KDM6A: variants seen among roughly 807,000 people sequenced by gnomAD.
The protein encoded by KDM6A is lysine demethylase 6A.
In KDM6A, 11 loss-of-function variants were observed where a neutral mutation model predicts 117.6. The ratio of observed to expected loss-of-function variants is 0.09; its 90% CI spans 0.06 to 0.15. The LOEUF (loss-of-function observed/expected upper bound fraction) is 0.15. Among genes scored for constraint, KDM6A ranks in the 10% least tolerant of loss-of-function variants. KDM6A has a pLI of 1.00. For synonymous variants in KDM6A, 384 were observed against 396.1 expected, an observed-to-expected ratio of 0.97 and a Z score of 0.36; for missense variants, 799 against 1,077.3, an observed-to-expected ratio of 0.74 and a Z score of 3.62.
chrX:45,090,352 A>G (rs1221238099), intron 26 of KDM6A, among the ~76,000 whole-genome samples: 5 of 112,285 alleles, frequency 4.5e-5, no homozygotes, highest in Non-Finnish European at 5.6e-5. Flanking sequence ...TGGAGTTTAG[A>G]GCCAGAAAGA....
At position 45,060,679 on chromosome X, in the gene KDM6A, C is replaced by T; in HGVS notation, c.1400C>T (p.Ser467Phe). ...AGTCAAACACCAATTTCACAGCAAT[C>T]CTTGCCACTACACATGATTCCTTCT... Reference protein sequence around the residue: ...GLSQTPISQQSLPLHMIPSSQ... With the variant: ...GLSQTPISQQFLPLHMIPSSQ... The change falls in exon 14 of 30, where the codon TCC becomes TTC. Residue 467 changes from serine to phenylalanine, a missense_variant. Physicochemically the swap from Ser to Phe is radical, Grantham distance 155 (BLOSUM62 -2). This residue lies in a region of KDM6A where 301 missense variants were observed against 318.3 expected (regional missense o/e 0.95). Coordinates refer to ENST00000611820, the MANE Select transcript of KDM6A (RefSeq NM_001291415.2). The T allele has an allele frequency of 9.4e-7, 1 of 1,068,928 alleles. No individual in the cohort carries two copies. Among genetic ancestry groups the T allele is most frequent in the South Asian group, 1.9e-5 (1 of 51,832 alleles). The allele number at this position is 1,068,928 out of a possible 1,213,427, so 88.1% of individuals were successfully genotyped here.
chrX:45,042,395 C>G (rs2043307880), intron 8 of KDM6A, among the ~76,000 whole-genome samples: 2 of 107,928 alleles, frequency 1.9e-5, no homozygotes, highest in Non-Finnish European at 3.8e-5. Context: ...TTAGGTGACA[C>G]TGTAAGTATA....
At chrX:44,984,362 G>T (rs1472133251) in intron 4 of KDM6A, among the ~76,000 whole-genome samples, 2 of 111,402 alleles carry the variant, frequency 1.8e-5, no homozygotes, top group East Asian at 5.6e-4. Flanking sequence ...TTTGTGGGTT[G>T]CCTGTTCACT....
intron 2 of KDM6A, among the ~76,000 whole-genome samples, chrX:44,958,448 C>T (rs1462882365): frequency 9.1e-6 from 1 of 109,961 alleles, no homozygotes; most frequent in African/African-American, 3.3e-5. Flanking sequence ...TCCCAAAGTG[C>T]TGGGATTACA....
chrX:44,986,213 T>C (rs1453361586), intron 4 of KDM6A, among the ~76,000 whole-genome samples: 1 of 110,564 alleles, frequency 9.0e-6, no homozygotes, highest in South Asian at 3.8e-4. Context: ...GTTTATAGTA[T>C]TCTCTGATGG....
intron 4 of KDM6A, among the ~76,000 whole-genome samples, chrX:44,999,293 C>T (rs774749989): frequency 3.6e-5 from 4 of 112,246 alleles, no homozygotes; most frequent in South Asian, 7.4e-4. Flanking sequence ...CAATGGTGAG[C>T]GCACACTTGG....
chrX:44,967,313 G>A (rs1227445915), intron 3 of KDM6A, among the ~76,000 whole-genome samples: 1 of 111,167 alleles, frequency 9.0e-6, no homozygotes, highest in Non-Finnish European at 1.9e-5. Context: ...TGTTACCTTT[G>A]GCTACCTCCT....
chrX:45,000,773 G>A (rs892261062), intron 4 of KDM6A, among the ~76,000 whole-genome samples: 2 of 112,551 alleles, frequency 1.8e-5, no homozygotes, highest in African/African-American at 3.2e-5. Context: ...GCAGGGTGCC[G>A]GACTTCGGGA....
At chrX:44,980,732 C>T (rs982727928) in intron 4 of KDM6A, among the ~76,000 whole-genome samples, 2 of 104,918 alleles carry the variant, frequency 1.9e-5, no homozygotes, top group South Asian at 4.4e-4. Context: ...ATACATTATG[C>T]GGTCTGCAAA....
At chrX:44,915,561 G>A (rs1243823184) in intron 2 of KDM6A, among the ~76,000 whole-genome samples, 2 of 112,303 alleles carry the variant, frequency 1.8e-5, no homozygotes, top group African/African-American at 6.5e-5. Context: ...TGTGGTTTCA[G>A]TTGACCTGTG....
intron 25 of KDM6A, 67 bp from the exon 26 acceptor site, chrX:45,089,676 T>C (rs2045808732): frequency 1.3e-6 from 1 of 787,871 alleles, no homozygotes; most frequent in South Asian, 2.3e-5. Context: ...TGTGACATTT[T>C]CTTCCAGTCT....
At chrX:44,892,900 G>A (rs1289859877) in intron 2 of KDM6A, among the ~76,000 whole-genome samples, 1 of 107,582 alleles carries the variant, frequency 9.3e-6, no homozygotes, top group African/African-American at 3.4e-5. Context: ...CTACTTGGGA[G>A]GCTGAGGCAG....
At chrX:44,933,033 A>G (rs1602245404) in intron 2 of KDM6A, among the ~76,000 whole-genome samples, 1 of 106,903 alleles carries the variant, frequency 9.4e-6, no homozygotes, top group African/African-American at 3.4e-5. Context: ...GATTACAGAC[A>G]TGCACCACCA....
intron 11 of KDM6A, 26 bp downstream of exon 11, chrX:45,059,130 T>C (rs373739508): frequency 3.9e-5 from 46 of 1,183,663 alleles, no homozygotes; most frequent in Non-Finnish European, 5.3e-5. Context: ...AAAATAGTAG[T>C]AATTTAATTG....
At chrX:45,108,790 TAA>T (rs1345945834) in intron 28 of KDM6A, among the ~76,000 whole-genome samples, 1 of 98,366 alleles carries the variant, frequency 1.0e-5, no homozygotes, top group Non-Finnish European at 2.1e-5. Flanking sequence ...TATGCAGCCA[TAA>T]AAAATGATGA....
intron 2 of KDM6A, among the ~76,000 whole-genome samples, chrX:44,898,109 G>A (rs766664071): frequency 2.8e-4 from 31 of 111,622 alleles, no homozygotes; most frequent in South Asian, 7.5e-4. Context: ...CTGAGTAGGG[G>A]TATAAGATGA....
At chrX:44,877,457 A>C (rs760229810) in intron 2 of KDM6A, among the ~76,000 whole-genome samples, 2 of 110,300 alleles carry the variant, frequency 1.8e-5, no homozygotes, top group Admixed American at 9.8e-5. Context: ...ATTTCAGTGG[A>C]GTTATCGAAA....
chrX:44,915,581 A>G (rs1431954664), intron 2 of KDM6A, among the ~76,000 whole-genome samples: 2 of 112,323 alleles, frequency 1.8e-5, no homozygotes, highest in Admixed American at 1.9e-4. Flanking sequence ...GGTTAACTGC[A>G]GTCAGAAAAT....
chrX:44,898,041 C>G (rs981984160), intron 2 of KDM6A, among the ~76,000 whole-genome samples: 2 of 111,667 alleles, frequency 1.8e-5, no homozygotes, highest in African/African-American at 6.5e-5. Flanking sequence ...CAATTCCTCC[C>G]TTACCCTCAC....
Sources: allele counts gnomAD v4.1 joint callset (sites outside exome capture counted in the v4.1 genomes callset), GRCh38; gene constraint gnomAD v4.1.1; regional missense constraint gnomAD v4.1.1; transcripts MANE v1.5; gene names NCBI Gene and HGNC (gene_info 2026-07-23, HGNC 2026-07-21).